The following ANK3 variants were observed in gnomAD, a reference collection of about 807,000 sequenced individuals.
ANK3 encodes the protein ankyrin 3, also known as ankyrin-3.
A neutral mutation model predicts 370.9 loss-of-function variants in ANK3; 57 were observed. That is an observed-to-expected ratio of 0.15 (90% CI 0.12 to 0.19). The LOEUF (loss-of-function observed/expected upper bound fraction) is 0.19. ANK3 is among the 10% of genes least tolerant of loss of function. ANK3 has a pLI of 1.00. For synonymous variants in ANK3, 1,929 were observed against 1,946.3 expected (o/e 0.99, Z 0.23); for missense variants, 4,439 against 5,302.1 (o/e 0.84, Z 5.06).
chr10:60,672,282 G>T (rs2079072163), intron 1 of ANK3, among the ~76,000 whole-genome samples: 1 of 152,104 alleles, frequency 6.6e-6, no homozygotes, highest in African/African-American at 2.4e-5. Context: ...TTTCCTTGTT[G>T]ATAGGAACAT....
At chr10:60,565,891 T>C (rs1049262377) in intron 2 of ANK3, among the ~76,000 whole-genome samples, 14 of 152,200 alleles carry the variant, frequency 9.2e-5, no homozygotes, top group Non-Finnish European at 4.4e-5. Context: ...CACAGATTGG[T>C]TTAACATACC....
At chr10:60,558,577 G>C (rs966151294) in intron 2 of ANK3, among the ~76,000 whole-genome samples, 2 of 152,052 alleles carry the variant, frequency 1.3e-5, no homozygotes, top group Non-Finnish European at 2.9e-5. Flanking sequence ...AAATAAATGA[G>C]AGTGCCAAGG....
chr10:60,701,697 G>A (rs549642355), intron 1 of ANK3, among the ~76,000 whole-genome samples: 1 of 152,064 alleles, frequency 6.6e-6, no homozygotes, highest in Non-Finnish European at 1.5e-5. Context: ...CCCCTTCTCC[G>A]CTGTGCTGCC....
intron 2 of ANK3, among the ~76,000 whole-genome samples, chr10:60,487,510 T>C (rs956676889): frequency 6.6e-6 from 1 of 152,084 alleles, no homozygotes; most frequent in Non-Finnish European, 1.5e-5. Flanking sequence ...TAAGCAGTGA[T>C]TCTTAAATTT....
At chr10:60,575,421 G>T (rs941321336) in intron 2 of ANK3, among the ~76,000 whole-genome samples, 1 of 152,070 alleles carries the variant, frequency 6.6e-6, no homozygotes, top group Non-Finnish European at 1.5e-5. Context: ...TATTCTTCCT[G>T]ATGAGGAACT....
intron 1 of ANK3, among the ~76,000 whole-genome samples, chr10:60,689,644 C>A (rs555266869): frequency 6.6e-6 from 1 of 151,132 alleles, no homozygotes; most frequent in East Asian, 2.0e-4. Flanking sequence ...CCCAGCTACT[C>A]AGGAAGCTGA....
intron 2 of ANK3, among the ~76,000 whole-genome samples, chr10:60,486,636 T>C (rs2075356426): frequency 2.0e-5 from 3 of 152,200 alleles, no homozygotes; most frequent in African/African-American, 7.2e-5. Flanking sequence ...TCACATTTTA[T>C]AAGCACGTTT....
chr10:60,059,074 A>G (rs2079796294), intron 41 of ANK3, among the ~76,000 whole-genome samples: 2 of 152,244 alleles, frequency 1.3e-5, no homozygotes, highest in Non-Finnish European at 2.9e-5. Context: ...AGTAGAAAAG[A>G]ATAGTATTCT....
At chr10:60,372,823 T>C (rs1266049152) in intron 1 of ANK3, among the ~76,000 whole-genome samples, 2 of 152,246 alleles carry the variant, frequency 1.3e-5, no homozygotes, top group Non-Finnish European at 2.9e-5. Context: ...AATTCAGATG[T>C]CTACAGTAGC....
intron 2 of ANK3, among the ~76,000 whole-genome samples, chr10:60,593,067 A>AC: frequency 6.6e-6 from 1 of 152,144 alleles, no homozygotes; most frequent in Non-Finnish European, 1.5e-5. Context: ...GGCATGAATG[A>AC]CCCCTAATGT....
chr10:60,214,240 C>A (rs2096900627), intron 8 of ANK3, among the ~76,000 whole-genome samples: 1 of 152,118 alleles, frequency 6.6e-6, no homozygotes, highest in Non-Finnish European at 1.5e-5. Context: ...CAGGGTTCAG[C>A]ATCAATATTA....
chr10:60,290,447 AT>A (rs1424629399), intron 1 of ANK3, among the ~76,000 whole-genome samples: 1 of 152,048 alleles, frequency 6.6e-6, no homozygotes, highest in Non-Finnish European at 1.5e-5. Flanking sequence ...ATAAACCAGC[AT>A]TTCTCATCCA....
chr10:60,225,677 T>A (rs763909653), intron 8 of ANK3, among the ~76,000 whole-genome samples: 2 of 152,146 alleles, frequency 1.3e-5, no homozygotes, highest in African/African-American at 4.8e-5. Context: ...ACCGCCTATA[T>A]GTTTAAATGA....
intron 1 of ANK3, among the ~76,000 whole-genome samples, chr10:60,710,071 T>C (rs2079681728): frequency 1.3e-5 from 2 of 152,298 alleles, no homozygotes; most frequent in African/African-American, 4.8e-5. Flanking sequence ...GCATCACTAG[T>C]GGCCCTTTGT....
chr10:60,059,747 C>T (rs558378990), intron 40 of ANK3: 3 of 1,614,072 alleles, frequency 1.9e-6, no homozygotes, highest in African/African-American at 2.7e-5. Context: ...CTGCTTCAGG[C>T]ATTTCTGTTA....
At chr10:60,180,644 A>G (rs145808837) in intron 18 of ANK3, among the ~76,000 whole-genome samples, 61 of 149,982 alleles carry the variant, frequency 4.1e-4, no homozygotes, top group African/African-American at 1.4e-3. Context: ...AGTAGATGAC[A>G]CAAATGACAC....
chr10:60,596,215 T>C (rs986799577), intron 2 of ANK3, among the ~76,000 whole-genome samples: 7 of 152,162 alleles, frequency 4.6e-5, no homozygotes, highest in African/African-American at 1.7e-4. Context: ...CTACATATTA[T>C]ATGTTCTCTT....
chr10:60,075,627 C>T lies in ANK3; in HGVS notation c.5254G>A (p.Val1752Met), dbSNP rs2083620201. ...GTGGCTGCACTGACCACAGAGCTCA[C>T]AGAGTTTGTAGCAGAAGAAATTTTT... ...QEKISSATNS[V>M]SSVVSAATDT... Residue 1752 changes from valine (V) to methionine (M), a missense_variant, in exon 37 of 44, where the codon GTG becomes ATG. By Grantham distance (21) the Val-to-Met change is conservative. Transcript: ENST00000280772. 6.2e-7 allele frequency: 1 copy of T among 1,613,954 alleles called. No homozygotes were observed. The highest frequency in any genetic ancestry group is 1.3e-5 in the African/African-American group (1 of 74,906).
intron 7 of ANK3, among the ~76,000 whole-genome samples, chr10:60,242,002 T>C (rs905378043): frequency 1.3e-5 from 2 of 152,208 alleles, no homozygotes; most frequent in African/African-American, 4.8e-5. Flanking sequence ...GAAAACAACA[T>C]GGATCACTGC....
Sources: allele counts gnomAD v4.1 joint callset (sites outside exome capture counted in the v4.1 genomes callset), GRCh38; gene constraint gnomAD v4.1.1; transcripts MANE v1.5; gene names NCBI Gene and HGNC (gene_info 2026-07-23, HGNC 2026-07-21).